IMP4: variants seen among roughly 807,000 people sequenced by gnomAD.
IMP4 encodes the protein U3 small nucleolar ribonucleoprotein IMP4.
A neutral mutation model predicts 42.7 loss-of-function variants in IMP4; 30 were observed. That is an observed-to-expected ratio of 0.70 (90% confidence interval 0.53 to 0.95). The LOEUF is 0.95. Ranked by LOEUF, IMP4 falls within the 40% of genes least tolerant of loss-of-function variation. The pLI is 0.00. For synonymous variants in IMP4, 165 were observed against 165.2 expected, an observed-to-expected ratio of 1.00 and a Z score of 0.01; for missense variants, 382 against 411.4, an observed-to-expected ratio of 0.93 and a Z score of 0.62.
chr2:130,344,681 G>A lies in IMP4; in HGVS notation c.165G>A (p.Gly55=), dbSNP rs1172892586. 1.2e-6 allele frequency: 2 copies of A among 1,613,892 alleles called. No individual in the cohort carries two copies. ...GCCGAGAGGCTCTGGCCTTACAGGG[G>A]TCCCTGGAGTTTGATGATGCTGGAG... The part of the protein sequence containing the change: ...ELRREALALQ[G]SLEFDDAGGE... Residue 55 remains glycine, a synonymous_variant, in exon 3 of 9, where the codon GGG becomes GGA. Transcript: ENST00000259239.
chr2:130,344,510 CAGAA>C (rs1454804670), intron 2 of IMP4, 115 bp from the exon 3 acceptor site: 37 of 735,540 alleles, frequency 5.0e-5, no homozygotes, highest in Non-Finnish European at 8.6e-5. Flanking sequence ...TATCCAAGCT[CAGAA>C]AGGGCTGAGG....
Position 130,346,257 on chromosome 2 carries a change from C to T in IMP4, c.746C>T (p.Pro249Leu). The part of the protein sequence containing the change: ...HRNVELTEVG[P>L]RFELKLYMIR... ...AACGTGGAGCTCACTGAGGTCGGGCCCCGCTTTGAGCTGAAGCGTGAGTTT... is the reference window on the plus strand; with the variant it reads ...AACGTGGAGCTCACTGAGGTCGGGCTCCGCTTTGAGCTGAAGCGTGAGTTT... Residue 249 changes from proline to leucine, a missense_variant, in exon 8 of 9, where the codon CCC becomes CTC. Physicochemically the swap from Pro to Leu is moderately conservative, Grantham distance 98. Transcript: ENST00000259239. The T allele has an allele frequency of 6.2e-7, 1 of 1,614,112 alleles. No homozygotes were observed. The highest frequency in any genetic ancestry group is 1.1e-5 in the South Asian group (1 of 91,084).
intron 2 of IMP4, chr2:130,343,461 T>C: frequency 1.6e-6 from 1 of 631,372 alleles, no homozygotes. Flanking sequence ...CCTGTAGAAA[T>C]TCTCTTTAGA....
At position 130,345,666 on chromosome 2, in the gene IMP4, C is replaced by T; in HGVS notation, c.406C>T (p.Leu136=). ...RACKANGVTD[L]LVVHEHRGTP... ...CTGCAAAGCCAACGGCGTCACCGATCTGCTGGTCGTTCACGAGCATCGGGG... is the reference window on the plus strand; with the variant it reads ...CTGCAAAGCCAACGGCGTCACCGATTTGCTGGTCGTTCACGAGCATCGGGG... The change falls in exon 5 of 9, where the codon CTG becomes TTG. Residue 136 remains leucine (L), a synonymous_variant. Transcript: ENST00000259239. The surrounding 1 kb of genome is among the most constrained non-coding windows in gnomAD (Gnocchi z 4.9). 1 of 1,614,110 alleles carries T rather than the reference C, an allele frequency of 6.2e-7. No individual in the cohort carries two copies. The highest frequency in any genetic ancestry group is 8.5e-7 in the Non-Finnish European group (1 of 1,180,030).
At position 130,345,417 on chromosome 2, in the gene IMP4, G is replaced by C; in HGVS notation, c.238G>C (p.Val80Leu). ...GGATGATGAATACCGATGGGCAGGA[G>C]TCGAGGATCCCAAGGTTATGATCAC... ...HVDDEYRWAG[V>L]EDPKVMITTS... The change falls in exon 4 of 9, where the codon GTC (valine) becomes CTC (leucine). Residue 80 changes from valine (V) to leucine (L), a missense_variant. Transcript: ENST00000259239. The surrounding 1 kb of genome is among the most constrained non-coding windows in gnomAD (Gnocchi z 4.9). The C allele has an allele frequency of 6.2e-7, 1 of 1,614,148 alleles. No individual in the cohort carries two copies. Among genetic ancestry groups the C allele is most frequent in the Non-Finnish European group, 8.5e-7 (1 of 1,180,014 alleles).
At chr2:130,343,433 T>C (rs903256641) in intron 2 of IMP4, 3 of 698,348 alleles carry the variant, frequency 4.3e-6, no homozygotes, top group Non-Finnish European at 8.0e-6. Flanking sequence ...GTCCCAAGTT[T>C]TAAAGACTTT....
chr2:130,347,180 T>G lies in IMP4; in HGVS notation c.*712T>G, dbSNP rs1482174155. On this transcript the variant is annotated 3_prime_UTR_variant, in exon 9 of 9. Transcript: ENST00000259239. ...TTTGAAGATAATGATTTCATCTCTT[T>G]TTTATATGTATACCCAGAAGTGGGA... 1 of 152,436 alleles carries G rather than the reference T, an allele frequency of 6.6e-6. No homozygotes were observed. Among genetic ancestry groups the G allele is most frequent in the Non-Finnish European group, 1.5e-5 (1 of 68,246 alleles). 9.4% of individuals were successfully genotyped at this position (152,436 alleles called of 1,614,324 possible).
Position 130,344,097 on chromosome 2 carries a change from A to G in IMP4, c.113-532A>G, listed in dbSNP as rs181759638. On this transcript the variant is annotated intron_variant, in intron 2 of 8. Coordinates refer to ENST00000259239, the MANE Select transcript of IMP4 (RefSeq NM_033416.3). ...TAATCCCAGCACTTTGGGAGGCCGA[A>G]GCGGGTGGATCACGAGGTCAGGAGA... Among the ~76,000 whole-genome samples, 914 of 152,318 alleles carry G rather than the reference A, an allele frequency of 6.0e-3. 6 individuals are homozygous for G. Among genetic ancestry groups the G allele is most frequent in the African/African-American group, 0.02 (833 of 41,570 alleles).
Position 130,344,684 on chromosome 2 carries a change from C to T in IMP4, c.168C>T (p.Ser56=), listed in dbSNP as rs1461644198. 1 of 1,613,966 alleles carries T rather than the reference C, an allele frequency of 6.2e-7. No individual in the cohort carries two copies. Among genetic ancestry groups the T allele is most frequent in the South Asian group, 1.1e-5 (1 of 91,072 alleles). ...GAGAGGCTCTGGCCTTACAGGGGTC[C>T]CTGGAGTTTGATGATGCTGGAGGTG... ...LRREALALQG[S]LEFDDAGGEG... The change falls in exon 3 of 9, where the codon TCC becomes TCT. Residue 56 remains serine (S), a synonymous_variant. Coordinates refer to ENST00000259239, the MANE Select transcript of IMP4 (RefSeq NM_033416.3).
In IMP4 at chr2:130,345,327, C is replaced by G. The variant is rs1360680086; in HGVS notation, c.197-49C>G. The G allele has an allele frequency of 2.7e-6, 4 of 1,469,270 alleles. No homozygotes were observed. Among genetic ancestry groups the G allele is most frequent in the Non-Finnish European group, 2.8e-6 (3 of 1,055,920 alleles). 91.0% of individuals were successfully genotyped at this position (1,469,270 alleles called of 1,614,324 possible). ...GCGGTCTTGGCTGCCCCGAAGTTAG[C>G]ATTTCATTCCCAAGACTGTCATGTT... On this transcript the variant is annotated intron_variant, in intron 3 of 8. Transcript: ENST00000259239. The surrounding 1 kb of genome is among the most constrained non-coding windows in gnomAD (Gnocchi z 4.9).
Position 130,347,754 on chromosome 2 carries a change from A to G in IMP4, c.*1286A>G, listed in dbSNP as rs1403417288. The G allele has an allele frequency of 2.0e-5, 3 of 153,618 alleles. No individual in the cohort carries two copies. The highest frequency in any genetic ancestry group is 6.5e-5 in the Admixed American group (1 of 15,292). 9.5% of individuals were successfully genotyped at this position (153,618 alleles called of 1,614,324 possible). ...AGACACTGAATCTGCTGGAGCCACC[A>G]TCTTGGACTTCCCAGCCTCCAGAGC... On this transcript the variant is annotated 3_prime_UTR_variant, in exon 9 of 9. Transcript: ENST00000259239.
At position 130,346,642 on chromosome 2, in the gene IMP4, G is replaced by T; in HGVS notation, c.*174G>T. The T allele has an allele frequency of 1.6e-6, 1 of 638,962 alleles. No homozygotes were observed. Among genetic ancestry groups the T allele is most frequent in the Non-Finnish European group, 2.8e-6 (1 of 358,396 alleles). 39.6% of individuals were successfully genotyped at this position (638,962 alleles called of 1,614,324 possible). On this transcript the variant is annotated 3_prime_UTR_variant, in exon 9 of 9. Transcript: ENST00000259239. ...GTCATGGCCCCGCCTGCCTCTGAGT[G>T]GTCAGGCCAAGTCTGCAGGGCAAAG... is the stretch of plus-strand genomic sequence containing the variant.
intron 3 of IMP4, 34 bp downstream of exon 3, chr2:130,344,746 G>T: frequency 6.9e-7 from 1 of 1,449,380 alleles, no homozygotes. Context: ...CCAACACTGA[G>T]CTGGCAGGTC....
chr2:130,347,799 T>C lies in IMP4; in HGVS notation c.*1331T>C, dbSNP rs1042663641. On this transcript the variant is annotated 3_prime_UTR_variant, in exon 9 of 9. Coordinates refer to ENST00000259239, the MANE Select transcript of IMP4 (RefSeq NM_033416.3). ...CAGAGCTGTGAGAAATAAATGCCTG[T>C]TGTTTAAGCTACCCAGTCTGTGGTA... The C allele has an allele frequency of 3.3e-5, 5 of 152,816 alleles. No homozygotes were observed. The highest frequency in any genetic ancestry group is 7.3e-5 in the Non-Finnish European group (5 of 68,520). 9.5% of individuals were successfully genotyped at this position (152,816 alleles called of 1,614,324 possible).
chr2:130,344,830 T>C, intron 3 of IMP4, 118 bp downstream of exon 3: 1 of 734,446 alleles, frequency 1.4e-6, no homozygotes, highest in Admixed American at 2.1e-5. Context: ...CCCCATGCCC[T>C]TGTCACTGCA....
In IMP4 at chr2:130,345,437, G is replaced by A. The variant is rs1679455873; in HGVS notation, c.258G>A (p.Met86Ile). 1 of 1,613,932 alleles carries A rather than the reference G, an allele frequency of 6.2e-7. No homozygotes were observed. Among genetic ancestry groups the A allele is most frequent in the Non-Finnish European group, 8.5e-7 (1 of 1,180,002 alleles). Residue 86 changes from methionine (M) to isoleucine (I), a missense_variant, in exon 4 of 9, where the codon ATG (methionine) becomes ATA (isoleucine). Met to Ile is a conservative substitution (Grantham distance 10). Coordinates refer to ENST00000259239, the MANE Select transcript of IMP4 (RefSeq NM_033416.3). The surrounding 1 kb of genome is among the most constrained non-coding windows in gnomAD (Gnocchi z 4.9). ...CAGGAGTCGAGGATCCCAAGGTTAT[G>A]ATCACTACCTCCCGAGACCCCAGTT... ...RWAGVEDPKV[M>I]ITTSRDPSSR...
At position 130,347,187 on chromosome 2, in the gene IMP4, T is replaced by C. The variant is rs1237465440; in HGVS notation, c.*719T>C. 9 of 152,386 alleles carry C rather than the reference T, an allele frequency of 5.9e-5. No homozygotes were observed. Among genetic ancestry groups the C allele is most frequent in the Non-Finnish European group, 1.3e-4 (9 of 68,192 alleles). 9.4% of individuals were successfully genotyped at this position (152,386 alleles called of 1,614,324 possible). A position where few individuals can be genotyped will look rare whatever the true frequency, so the allele number is the denominator to read the frequency against. On this transcript the variant is annotated 3_prime_UTR_variant, in exon 9 of 9. Coordinates refer to ENST00000259239, the MANE Select transcript of IMP4 (RefSeq NM_033416.3). ...ATAATGATTTCATCTCTTTTTTATATGTATACCCAGAAGTGGGATTGCTGC... is the reference window on the plus strand; with the variant it reads ...ATAATGATTTCATCTCTTTTTTATACGTATACCCAGAAGTGGGATTGCTGC...
Position 130,345,723 on chromosome 2 carries a change from G to T in IMP4, c.439+24G>T. ...TGGTAAGGCCGGAGGGAGGGAGTCGGGGTGGGAGCCGTCTGAGGGCAGACG... is the reference window on the plus strand; with the variant it reads ...TGGTAAGGCCGGAGGGAGGGAGTCGTGGTGGGAGCCGTCTGAGGGCAGACG... On this transcript the variant is annotated intron_variant, in intron 5 of 8. Transcript: ENST00000259239. The surrounding 1 kb of genome is among the most constrained non-coding windows in gnomAD (Gnocchi z 4.9). The T allele has an allele frequency of 6.2e-7, 1 of 1,612,856 alleles. No individual in the cohort carries two copies. Among genetic ancestry groups the T allele is most frequent in the Non-Finnish European group, 8.5e-7 (1 of 1,179,966 alleles).
chr2:130,347,661 T>C lies in IMP4; in HGVS notation c.*1193T>C, dbSNP rs1194671968. On this transcript the variant is annotated 3_prime_UTR_variant, in exon 9 of 9. Coordinates refer to ENST00000259239, the MANE Select transcript of IMP4 (RefSeq NM_033416.3). ...ATAAAAGATGCCCGAGGGAGCTCTT[T>C]TGCCCCTCCTGCCATGTGAGGACAC... is the stretch of plus-strand genomic sequence containing the variant. 1.3e-5 allele frequency: 2 copies of C among 152,278 alleles called. No individual in the cohort carries two copies. Among genetic ancestry groups the C allele is most frequent in the Non-Finnish European group, 2.9e-5 (2 of 68,114 alleles). The allele number at this position is 152,278 out of a possible 1,614,324, so 9.4% of individuals were successfully genotyped here. A position where few individuals can be genotyped will look rare whatever the true frequency, so the allele number is the denominator to read the frequency against.
Sources: allele counts gnomAD v4.1 joint callset (sites outside exome capture counted in the v4.1 genomes callset), GRCh38; gene constraint gnomAD v4.1.1; non-coding constraint Gnocchi (gnomAD v3.1); transcripts MANE v1.5; gene names NCBI Gene and HGNC (gene_info 2026-07-23, HGNC 2026-07-21).